Variants in SV2C observed in about 807,000 individuals in gnomAD.
SV2C encodes solute carrier family 22 member B3.
A neutral mutation model predicts 79.7 loss-of-function variants in SV2C; 49 were observed. That is an observed-to-expected ratio of 0.61 (90% confidence interval 0.49 to 0.78). The LOEUF (loss-of-function observed/expected upper bound fraction) is 0.78, where lower values mean the gene tolerates loss of function less well. Ranked by LOEUF, SV2C falls within the 30% of genes least tolerant of loss-of-function variation. The pLI, the probability that SV2C is intolerant of heterozygous loss-of-function variation, is 0.00. For synonymous variants in SV2C, 334 were observed against 333.2 expected, an observed-to-expected ratio of 1.00 and a Z score of -0.03; for missense variants, 833 against 912.9, an observed-to-expected ratio of 0.91 and a Z score of 1.13.
At chr5:75,860,917 C>G in the SV2C span, among the ~76,000 whole-genome samples, 11 of 152,154 alleles carry the variant, frequency 7.2e-5, no homozygotes, top group Non-Finnish European at 4.4e-5. Flanking sequence ...CTACCTTTCA[C>G]TATACGCAAA....
At chr5:76,290,543 G>T (rs367778927) in intron 6 of SV2C, among the ~76,000 whole-genome samples, 1 of 152,096 alleles carries the variant, frequency 6.6e-6, no homozygotes, top group Non-Finnish European at 1.5e-5. Flanking sequence ...CTATCTTGTG[G>T]TTCTCTTCCT....
At chr5:75,871,834 T>TACAC in the SV2C span, among the ~76,000 whole-genome samples, 1,893 of 118,802 alleles carry the variant, frequency 0.016, 38 homozygotes, top group African/African-American at 0.058. Flanking sequence ...TATATATATA[T>TACAC]ACACACACAC....
At chr5:76,092,207 T>C (rs1747400079) in intron 1 of SV2C, among the ~76,000 whole-genome samples, 1 of 152,200 alleles carries the variant, frequency 6.6e-6, no homozygotes, top group Admixed American at 6.5e-5. Context: ...TATTTTACTT[T>C]ATATATTTCT....
the SV2C span, among the ~76,000 whole-genome samples, chr5:75,863,817 T>C: frequency 2.0e-5 from 3 of 152,268 alleles, no homozygotes; most frequent in Non-Finnish European, 4.4e-5. Flanking sequence ...TCTTTCCTGC[T>C]GTTTTCCATA....
At chr5:76,194,813 C>T (rs536367432) in intron 2 of SV2C, 106 bp from the exon 3 acceptor site, 1 of 1,336,816 alleles carries the variant, frequency 7.5e-7, no homozygotes, top group East Asian at 2.3e-5. Flanking sequence ...AGGAAATTTT[C>T]CTCATGCAAA....
At chr5:75,939,369 G>A in the SV2C span, among the ~76,000 whole-genome samples, 1 of 152,052 alleles carries the variant, frequency 6.6e-6, no homozygotes, top group Non-Finnish European at 1.5e-5. Context: ...AGACAGGGGA[G>A]AGGGAGAGAC....
At chr5:76,041,427 C>T in the SV2C span, among the ~76,000 whole-genome samples, 1 of 152,122 alleles carries the variant, frequency 6.6e-6, no homozygotes, top group East Asian at 1.9e-4. Context: ...TAGAAAGCTA[C>T]CCCTTAGGCC....
the SV2C span, among the ~76,000 whole-genome samples, chr5:75,905,787 G>C: frequency 6.6e-6 from 1 of 151,802 alleles, no homozygotes; most frequent in Non-Finnish European, 1.5e-5. Context: ...AAACTGTAAA[G>C]TTTTCTGCAA....
chr5:75,867,957 G>A, the SV2C span, among the ~76,000 whole-genome samples: 1 of 152,332 alleles, frequency 6.6e-6, no homozygotes, highest in Admixed American at 6.5e-5. Flanking sequence ...TCAAGGGGGT[G>A]CATAGTCTGT....
Position 76,346,704 on chromosome 5 carries a change from A to T in SV2C, c.2001-6426A>T, listed in dbSNP as rs559855281. The stretch of plus-strand genomic sequence containing the variant: ...CCCAGGGCCTTGGACTGTGCCTTAC[A>T]CATAGCAGACACAAAACTCATGTTT... On this transcript the variant is annotated intron_variant, in intron 12 of 12. Transcript: ENST00000322285. Among the ~76,000 whole-genome samples the T allele has an allele frequency of 5.3e-5, 8 of 152,340 alleles. No individual in the cohort carries two copies. In the South Asian group the frequency reaches 1.7e-3, roughly 32 times the overall value.
At chr5:76,130,330 G>A (rs926991800) in intron 1 of SV2C, among the ~76,000 whole-genome samples, 1 of 152,118 alleles carries the variant, frequency 6.6e-6, no homozygotes, top group Non-Finnish European at 1.5e-5. Flanking sequence ...GGCATTTGTA[G>A]GTATTCAGTG....
the SV2C span, among the ~76,000 whole-genome samples, chr5:76,040,006 T>C: frequency 6.6e-6 from 1 of 152,144 alleles, no homozygotes; most frequent in African/African-American, 2.4e-5. Flanking sequence ...ATGGCATCTT[T>C]TATACAAAGG....
chr5:76,250,779 A>G (rs1384709089), intron 4 of SV2C, among the ~76,000 whole-genome samples: 5 of 152,168 alleles, frequency 3.3e-5, no homozygotes, highest in Admixed American at 3.3e-4. Context: ...GCAAAACCCA[A>G]TTATTTGTAG....
intron 2 of SV2C, among the ~76,000 whole-genome samples, chr5:76,181,705 C>T (rs1743738476): frequency 6.6e-6 from 1 of 152,090 alleles, no homozygotes; most frequent in South Asian, 2.1e-4. Context: ...AGAAACCACC[C>T]CCATGATCAA....
At chr5:76,120,615 G>A (rs1036455425) in intron 1 of SV2C, among the ~76,000 whole-genome samples, 1 of 145,164 alleles carries the variant, frequency 6.9e-6, no homozygotes, top group African/African-American at 2.6e-5. Flanking sequence ...AGAACATGCG[G>A]TGTTTGGTTT....
the SV2C span, among the ~76,000 whole-genome samples, chr5:76,009,075 C>T: frequency 6.6e-6 from 1 of 152,276 alleles, no homozygotes; most frequent in African/African-American, 2.4e-5. Context: ...AAGAAAACTG[C>T]AACCCACCCT....
chr5:76,261,724 G>A (rs1192789295), intron 4 of SV2C, among the ~76,000 whole-genome samples: 1 of 152,178 alleles, frequency 6.6e-6, no homozygotes, highest in South Asian at 2.1e-4. Flanking sequence ...TCATTGGTTC[G>A]GTTTATGTGA....
At chr5:76,043,193 C>T in the SV2C span, among the ~76,000 whole-genome samples, 8 of 152,152 alleles carry the variant, frequency 5.3e-5, no homozygotes, top group African/African-American at 1.7e-4. Context: ...CTGTGTTAGC[C>T]ATCTGTGGCA....
intron 10 of SV2C, among the ~76,000 whole-genome samples, chr5:76,300,190 A>ATTATTATTT (rs1328012752): frequency 9.9e-5 from 13 of 131,698 alleles, no homozygotes; most frequent in Non-Finnish European, 1.5e-4. Flanking sequence ...TATTATTATT[A>ATTATTATTT]TTTTTGTAGA....
Sources: gnomAD v4.1 joint callset for allele counts (sites outside exome capture counted in the v4.1 genomes callset) on GRCh38, gnomAD v4.1.1 for gene constraint, MANE v1.5 for transcripts, NCBI Gene and HGNC (gene_info 2026-07-23, HGNC 2026-07-21) for gene names.